SSC5D: variants seen among roughly 807,000 people sequenced by gnomAD.
SSC5D encodes soluble scavenger receptor cysteine-rich domain-containing protein SSC5D.
A neutral mutation model predicts 104.6 loss-of-function variants in SSC5D; 106 were observed. That is an observed-to-expected ratio of 1.01 (90% confidence interval 0.87 to 1.19). The LOEUF (loss-of-function observed/expected upper bound fraction) is 1.19, where lower values mean the gene tolerates loss of function less well. Ranked by LOEUF, SSC5D falls within the 50% of genes most tolerant of loss-of-function variation. The pLI, the probability that SSC5D is intolerant of heterozygous loss-of-function variation, is 0.00. For missense variants in SSC5D, 1,993 were observed against 2,153.8 expected, an observed-to-expected ratio of 0.93 and a Z score of 1.48; for synonymous variants, 860 against 883.5, an observed-to-expected ratio of 0.97 and a Z score of 0.47.
Position 55,499,905 on chromosome 19 carries a change from G to A in SSC5D, c.1795G>A (p.Glu599Lys). 1.3e-6 allele frequency: 2 copies of A among 1,551,728 alleles called. No individual in the cohort carries two copies. Among genetic ancestry groups the A allele is most frequent in the South Asian group, 1.2e-5 (1 of 84,046 alleles). ...AGATCGGGATGCCTGGCTCCCGGGA[G>A]AGCTGGCCACCAAGCCCTCTGCAAG... ...GRDRDAWLPG[E>K]LATKPSASVT... is the part of the protein sequence containing the mutation. Residue 599 changes from glutamate (E) to lysine (K), a missense_variant, in exon 10 of 14, where the codon GAG (glutamate) becomes AAG (lysine). By Grantham distance (56) the Glu-to-Lys change is moderately conservative. Around this residue, in one of 6 missense-constraint regions of SSC5D, gnomAD observed 1,101 missense variants for 1,085.0 expected, o/e 1.01. Coordinates refer to ENST00000389623, the MANE Select transcript of SSC5D (RefSeq NM_001144950.2).
chr19:55,493,158 C>T (rs1987198404), intron 6 of SSC5D, among the ~76,000 whole-genome samples: 1 of 152,222 alleles, frequency 6.6e-6, no homozygotes, highest in Non-Finnish European at 1.5e-5. Context: ...CAAAGGACAT[C>T]AGGCAATGTC....
At chr19:55,493,994 G>GGCCCCCCCCCCCCC in intron 7 of SSC5D, 82 bp downstream of exon 7, 1 of 143,314 alleles carries the variant, frequency 7.0e-6, no homozygotes, top group Non-Finnish European at 1.4e-5. Context: ...GGGCGGGGGG[G>GGCCCCCCCCCCCCC]TCCCTACGCG....
At position 55,490,771 on chromosome 19, in the gene SSC5D, G is replaced by A. The variant is rs1469610041; in HGVS notation, c.587-1G>A. 3 of 1,523,402 alleles carry A rather than the reference G, an allele frequency of 2.0e-6. No homozygotes were observed. Among genetic ancestry groups the A allele is most frequent in the Admixed American group, 4.2e-5 (2 of 47,458 alleles). 94.4% of individuals were successfully genotyped at this position (1,523,402 alleles called of 1,614,324 possible). On this transcript the variant is annotated splice_acceptor_variant, in intron 5 of 13. Coordinates refer to ENST00000389623, the MANE Select transcript of SSC5D (RefSeq NM_001144950.2). LOFTEE classifies it high-confidence loss of function. ...CCGTCCCCTCCCTGCTCACCCCACAGAGCGGCTGCGCCTGGTCTCTGGCCC... is the reference window on the plus strand; with the variant it reads ...CCGTCCCCTCCCTGCTCACCCCACAAAGCGGCTGCGCCTGGTCTCTGGCCC...
chr19:55,517,452 A>C lies in SSC5D; in HGVS notation c.3176A>C (p.Asn1059Thr). The C allele has an allele frequency of 1.3e-6, 2 of 1,550,760 alleles. No homozygotes were observed. The highest frequency in any genetic ancestry group is 1.7e-6 in the Non-Finnish European group (2 of 1,146,904). Residue 1059 changes from asparagine to threonine, a missense_variant, in exon 14 of 14, where the codon AAC becomes ACC. This residue lies in a region of SSC5D where 423 missense variants were observed against 409.2 expected (regional missense o/e 1.03). Coordinates refer to ENST00000389623, the MANE Select transcript of SSC5D (RefSeq NM_001144950.2). ...PPTPDPASRT[N>T]PDLILTSPDF... is the part of the protein sequence containing the mutation. ...ACCCCAGACCCGGCCTCCCGGACGAACCCCGACCTCATCTTGACAAGCCCT... is the reference window on the plus strand; with the variant it reads ...ACCCCAGACCCGGCCTCCCGGACGACCCCCGACCTCATCTTGACAAGCCCT...
Position 55,489,112 on chromosome 19 carries a change from C to T in SSC5D, c.52+80C>T, listed in dbSNP as rs115386641. ...CTGCCCATCCAGGCCTGGCCTCACC[C>T]CCACTGGGTCCCCGGCCCATCCGAA... On this transcript the variant is annotated intron_variant, in intron 2 of 13. Transcript: ENST00000389623. 5.1e-3 allele frequency: 5,051 copies of T among 993,972 alleles called. 184 individuals are homozygous for T. In the African/African-American group the frequency reaches 0.078, roughly 15 times the overall value. The allele number at this position is 993,972 out of a possible 1,614,324, so 61.6% of individuals were successfully genotyped here.
intron 1 of SSC5D, among the ~76,000 whole-genome samples, 158 bp downstream of exon 1, chr19:55,488,772 C>A (rs1359451370): frequency 3.8e-5 from 4 of 106,606 alleles, no homozygotes; most frequent in Non-Finnish European, 8.1e-5. Context: ...ATCTGCCCAG[C>A]CTTCTGCCAG....
intron 6 of SSC5D, chr19:55,491,320 G>C: frequency 1.9e-6 from 1 of 522,818 alleles, no homozygotes; most frequent in Non-Finnish European, 3.3e-6. Flanking sequence ...CCTGTCCCGG[G>C]GCCTAGGCCA....
intron 13 of SSC5D, 141 bp from the exon 14 acceptor site, chr19:55,517,083 G>C: frequency 1.3e-6 from 1 of 760,128 alleles, no homozygotes. Context: ...CCCTAGGGCC[G>C]GGTGAAGTCT....
At chr19:55,501,788 C>T (rs1339308747) in intron 12 of SSC5D, among the ~76,000 whole-genome samples, 1 of 152,212 alleles carries the variant, frequency 6.6e-6, no homozygotes. Flanking sequence ...ACATCACTGT[C>T]ACCACATTCT....
rs1987943511 is a variant in SSC5D at position 55,518,399 on chromosome 19, A to C, written c.4123A>C (p.Thr1375Pro). 1 of 1,549,084 alleles carries C rather than the reference A, an allele frequency of 6.5e-7. No individual in the cohort carries two copies. Among genetic ancestry groups the C allele is most frequent in the Non-Finnish European group, 8.7e-7 (1 of 1,146,368 alleles). ...QLTFTAPAPH[T>P]STSQIPTLEP... ...GACCTTCACAGCACCTGCCCCTCAC[A>C]CCTCCACATCCCAGATACCCACCTT... Residue 1375 changes from threonine (T) to proline (P), a missense_variant, in exon 14 of 14, where the codon ACC (threonine) becomes CCC (proline). By Grantham distance (38) the Thr-to-Pro change is conservative. Coordinates refer to ENST00000389623, the MANE Select transcript of SSC5D (RefSeq NM_001144950.2).
Position 55,518,673 on chromosome 19 carries a change from G to T in SSC5D, c.4397G>T (p.Ser1466Ile), listed in dbSNP as rs1987951655. 1.9e-6 allele frequency: 3 copies of T among 1,547,106 alleles called. No individual in the cohort carries two copies. In the South Asian group the frequency reaches 3.6e-5, roughly 19 times the overall value. ...PLTLGPTPGQ[S>I]PGPHGPCVAP... Reference sequence around the variant, plus strand: ...ACCCTAGGGCCAACTCCTGGTCAGAGCCCAGGCCCCCATGGTCCATGTGTG... The same window carrying T: ...ACCCTAGGGCCAACTCCTGGTCAGATCCCAGGCCCCCATGGTCCATGTGTG... Residue 1466 changes from serine (S) to isoleucine (I), a missense_variant, in exon 14 of 14, where the codon AGC becomes ATC. By Grantham distance (142) the Ser-to-Ile change is moderately radical. Coordinates refer to ENST00000389623, the MANE Select transcript of SSC5D (RefSeq NM_001144950.2).
chr19:55,494,554 C>T lies in SSC5D; in HGVS notation c.1214-56C>T, dbSNP rs185374984. ...AGGATGACGCAGGAGGTGGGGGTGCCGGCTCCGGGATGGAGGGTGTGTGTG... is the reference window on the plus strand; with the variant it reads ...AGGATGACGCAGGAGGTGGGGGTGCTGGCTCCGGGATGGAGGGTGTGTGTG... On this transcript the variant is annotated intron_variant, in intron 7 of 13. Coordinates refer to ENST00000389623, the MANE Select transcript of SSC5D (RefSeq NM_001144950.2). The T allele has an allele frequency of 2.9e-4, 424 of 1,444,440 alleles. No homozygotes were observed. The African/African-American group carries it at 4.5e-3, about 15-fold the overall frequency. The allele number at this position is 1,444,440 out of a possible 1,614,324, so 89.5% of individuals were successfully genotyped here. A position where few individuals can be genotyped will look rare whatever the true frequency, so the allele number is the denominator to read the frequency against.
At chr19:55,489,192 G>T in intron 2 of SSC5D, 160 bp downstream of exon 2, 1 of 995,606 alleles carries the variant, frequency 1.0e-6, no homozygotes, top group Non-Finnish European at 1.4e-6. Flanking sequence ...GTGTCTGGCC[G>T]CATCTCTCTG....
At position 55,500,121 on chromosome 19, in the gene SSC5D, G is replaced by A. The variant is rs530492946; in HGVS notation, c.2011G>A (p.Glu671Lys). The change falls in exon 10 of 14, where the codon GAG becomes AAG. Residue 671 changes from glutamate (E) to lysine (K), a missense_variant. Transcript: ENST00000389623. The surrounding 1 kb of genome is among the most constrained non-coding windows in gnomAD (Gnocchi z 4.6). ...ACAGACCACTGCAGCACTGACCACT[G>A]AGGCCTCCCGAAGACCTACCTCTGA... ...TSQTTAALTTEASRRPTSEFT... is the reference protein window; with the variant it reads ...TSQTTAALTTKASRRPTSEFT... The A allele has an allele frequency of 2.6e-6, 4 of 1,551,138 alleles. No homozygotes were observed. In the East Asian group the frequency reaches 9.8e-5, roughly 38 times the overall value.
chr19:55,493,255 C>T (rs559632107), intron 6 of SSC5D, among the ~76,000 whole-genome samples: 3 of 152,156 alleles, frequency 2.0e-5, no homozygotes, highest in Admixed American at 1.3e-4. Context: ...ACAGTTGCCA[C>T]GATAAAGGAG....
In SSC5D at chr19:55,493,809, C is replaced by A. The variant is rs749369842; in HGVS notation, c.1110C>A (p.Asp370Glu). The part of the protein sequence containing the change: ...GEGSGPIILD[D>E]LRCRGNETAL... ...GGTCTGGACCCATCATCCTGGACGA[C>A]CTTCGGTGTCGGGGAAACGAGACGG... Residue 370 changes from aspartate (D) to glutamate (E), a missense_variant, in exon 7 of 14, where the codon GAC (aspartate) becomes GAA (glutamate). Around this residue, in one of 6 missense-constraint regions of SSC5D, gnomAD observed 1,101 missense variants for 1,085.0 expected, o/e 1.01. Transcript: ENST00000389623. The A allele has an allele frequency of 1.2e-5, 19 of 1,549,206 alleles. No homozygotes were observed. The highest frequency in any genetic ancestry group is 1.2e-5 in the South Asian group (1 of 84,034).
At chr19:55,509,249 G>T (rs1052102889) in intron 12 of SSC5D, among the ~76,000 whole-genome samples, 1 of 152,176 alleles carries the variant, frequency 6.6e-6, no homozygotes, top group Middle Eastern at 3.2e-3. Flanking sequence ...ACACCGTCTG[G>T]CAGCATGAAG....
At position 55,512,917 on chromosome 19, in the gene SSC5D, T is replaced by C; in HGVS notation, c.2786-94T>C. The C allele has an allele frequency of 2.1e-6, 3 of 1,454,638 alleles. No homozygotes were observed. In the South Asian group the frequency reaches 3.7e-5, roughly 18 times the overall value. 90.1% of individuals were successfully genotyped at this position (1,454,638 alleles called of 1,614,324 possible). A position where few individuals can be genotyped will look rare whatever the true frequency, so the allele number is the denominator to read the frequency against. Reference sequence around the variant, plus strand: ...TGGCGGTGCAGTTGAGACGGGATGATGCCTGAACTGGGGCTGGCCCAGGAG... The same window carrying C: ...TGGCGGTGCAGTTGAGACGGGATGACGCCTGAACTGGGGCTGGCCCAGGAG... On this transcript the variant is annotated intron_variant, in intron 12 of 13. Coordinates refer to ENST00000389623, the MANE Select transcript of SSC5D (RefSeq NM_001144950.2).
chr19:55,518,942 G>A lies in SSC5D; in HGVS notation c.4666G>A (p.Ala1556Thr). ...AEMAWTTSMP[A>T]PTTTTPEEEE... is the part of the protein sequence containing the mutation. ...GATGGCCTGGACCACCAGCATGCCTGCACCAACCACCACTACCCCAGAGGA... is the reference window on the plus strand; with the variant it reads ...GATGGCCTGGACCACCAGCATGCCTACACCAACCACCACTACCCCAGAGGA... Residue 1556 changes from alanine to threonine, a missense_variant, in exon 14 of 14, where the codon GCA becomes ACA. This residue lies in a region of SSC5D where 349 missense variants were observed against 397.6 expected (regional missense o/e 0.88). Transcript: ENST00000389623. 6.4e-7 allele frequency: 1 copy of A among 1,550,394 alleles called. No homozygotes were observed. Among genetic ancestry groups the A allele is most frequent in the Non-Finnish European group, 8.7e-7 (1 of 1,146,968 alleles).
Sources: gnomAD v4.1 joint callset for allele counts (sites outside exome capture counted in the v4.1 genomes callset) on GRCh38, gnomAD v4.1.1 for gene constraint, gnomAD v4.1.1 regional missense constraint, Gnocchi (gnomAD v3.1) non-coding constraint, MANE v1.5 for transcripts, NCBI Gene and HGNC (gene_info 2026-07-23, HGNC 2026-07-21) for gene names.